Variants in ARHGAP5 observed in about 807,000 individuals in gnomAD.
The protein encoded by ARHGAP5 is Rho GTPase activating protein 5.
In ARHGAP5, 23 loss-of-function variants were observed where a neutral mutation model predicts 116.6. The ratio of observed to expected loss-of-function variants is 0.20; its 90% CI spans 0.14 to 0.28. The LOEUF (loss-of-function observed/expected upper bound fraction) is 0.28, where lower values mean the gene tolerates loss of function less well. Ranked by LOEUF, ARHGAP5 falls within the 10% of genes least tolerant of loss-of-function variation. The pLI is 1.00. For missense variants in ARHGAP5, 1,405 were observed against 1,774.8 expected (o/e 0.79, Z 3.74); for synonymous variants, 574 against 602.0 (o/e 0.95, Z 0.68).
intron 1 of ARHGAP5, among the ~76,000 whole-genome samples, chr14:32,087,242 G>C (rs945605833): frequency 1.3e-5 from 2 of 151,690 alleles, no homozygotes; most frequent in African/African-American, 2.4e-5. Context: ...GGCTAATAGA[G>C]GACAGTTTTG....
Position 32,156,756 on chromosome 14 carries a change from C to CTT in ARHGAP5, c.*1810_*1811dup, listed in dbSNP as rs1342796232. The CTT allele has an allele frequency of 6.6e-6, 1 of 152,194 alleles. No individual in the cohort carries two copies. Among genetic ancestry groups the CTT allele is most frequent in the African/African-American group, 2.4e-5 (1 of 41,394 alleles). 9.4% of individuals were successfully genotyped at this position (152,194 alleles called of 1,614,324 possible). On this transcript the variant is annotated 3_prime_UTR_variant, in exon 7 of 7. Coordinates refer to ENST00000345122, the MANE Select transcript of ARHGAP5 (RefSeq NM_001030055.2). ...GGCATGTCTGGCAAAGAAAATTAAACTTTAAGAGTTTTATAAACTGTTTCT... is the reference window on the plus strand; with the variant it reads ...GGCATGTCTGGCAAAGAAAATTAAACTTTTTAAGAGTTTTATAAACTGTTTCT...
chr14:32,095,416 G>GTT (rs569892479), intron 2 of ARHGAP5, among the ~76,000 whole-genome samples: 1,788 of 101,382 alleles, frequency 0.018, 33 homozygotes, highest in African/African-American at 0.059. Flanking sequence ...TTTTTTTTTT[G>GTT]TTTTTTTTTT....
rs1198499806 is a variant in ARHGAP5, at chr14:32,140,304, G to A, written c.3866-5959G>A. Among the ~76,000 whole-genome samples, 146 of 151,684 alleles carry A rather than the reference G, an allele frequency of 9.6e-4. 2 individuals carry two copies. The highest frequency in any genetic ancestry group is 4.2e-4 in the South Asian group (2 of 4,806). ...CTGTTGAAGAATGTGTTGTTTGGCC[G>A]AGCACAGTGGCCCACGCCTGTGATC... On this transcript the variant is annotated intron_variant, in intron 3 of 6. Transcript: ENST00000345122.
At chr14:32,095,810 A>G (rs1291773588) in intron 2 of ARHGAP5, among the ~76,000 whole-genome samples, 3 of 152,264 alleles carry the variant, frequency 2.0e-5, no homozygotes, top group Non-Finnish European at 2.9e-5. Flanking sequence ...ACCTGTTATC[A>G]CTAGTACCAT....
Position 32,154,968 on chromosome 14 carries a change from A to G in ARHGAP5, c.*20A>G. ...ATATGAGTAGGAAGTGATTGCAAAC[A>G]GGCTGGATTTGGACAAAAAGCAAAT... On this transcript the variant is annotated 3_prime_UTR_variant, in exon 7 of 7. Transcript: ENST00000345122. 6.3e-7 allele frequency: 1 copy of G among 1,596,808 alleles called. No individual in the cohort carries two copies.
chr14:32,090,512 C>T lies in ARHGAP5; in HGVS notation c.-158C>T, dbSNP rs1394388704. 3 of 600,940 alleles carry T rather than the reference C, an allele frequency of 5.0e-6. No homozygotes were observed. Among genetic ancestry groups the T allele is most frequent in the African/African-American group, 3.7e-5 (2 of 53,338 alleles). The allele number at this position is 600,940 out of a possible 1,614,324, so 37.2% of individuals were successfully genotyped here. A position where few individuals can be genotyped will look rare whatever the true frequency, so the allele number is the denominator to read the frequency against. On this transcript the variant is annotated 5_prime_UTR_variant, in exon 2 of 7. Coordinates refer to ENST00000345122, the MANE Select transcript of ARHGAP5 (RefSeq NM_001030055.2). ...CTCCCCTCTCTATAGGAAGATGATC[C>T]CTATGATCTTGAAGATGTTTCTGCA... is the stretch of plus-strand genomic sequence containing the variant.
intron 3 of ARHGAP5, among the ~76,000 whole-genome samples, chr14:32,131,951 A>G (rs953594913): frequency 6.6e-6 from 1 of 152,170 alleles, no homozygotes; most frequent in African/African-American, 2.4e-5. Context: ...TCCATGGTGT[A>G]TATGTGCCAC....
At chr14:32,086,864 A>G (rs982706975) in intron 1 of ARHGAP5, among the ~76,000 whole-genome samples, 1 of 150,762 alleles carries the variant, frequency 6.6e-6, no homozygotes, top group African/African-American at 2.5e-5. Flanking sequence ...TCTTAAAGGC[A>G]GAATGAGAGA....
chr14:32,102,770 T>C (rs1374032354), intron 2 of ARHGAP5, among the ~76,000 whole-genome samples: 1 of 152,196 alleles, frequency 6.6e-6, no homozygotes, highest in Non-Finnish European at 1.5e-5. Flanking sequence ...GGCCTTTGTT[T>C]TTGTAAAAGA....
intron 2 of ARHGAP5, among the ~76,000 whole-genome samples, chr14:32,108,165 G>A (rs1424817328): frequency 2.0e-5 from 3 of 152,026 alleles, no homozygotes; most frequent in African/African-American, 7.2e-5. Context: ...ATGGAAGTGG[G>A]TTGAAGAGTT....
rs750264020 is a variant in ARHGAP5, at chr14:32,152,461, G to C, written c.4114G>C (p.Glu1372Gln). 1.2e-6 allele frequency: 2 copies of C among 1,607,386 alleles called. No homozygotes were observed. The highest frequency in any genetic ancestry group is 1.7e-6 in the Non-Finnish European group (2 of 1,177,668). The change falls in exon 6 of 7, where the codon GAA becomes CAA. Residue 1372 changes from glutamate to glutamine, a missense_variant. Physicochemically the swap from Glu to Gln is conservative, Grantham distance 29. This residue lies in a region of ARHGAP5 where 176 missense variants were observed against 221.2 expected (regional missense o/e 0.80). Coordinates refer to ENST00000345122, the MANE Select transcript of ARHGAP5 (RefSeq NM_001030055.2). The part of the protein sequence containing the change: ...DKTERLHALK[E>Q]IVKKFHPVNY... ...AACAGAACGTCTTCATGCCTTGAAA[G>C]AAATTGTTAAGAAATTTCATCCTGT...
At chr14:32,110,175 C>T (rs984701778) in intron 2 of ARHGAP5, among the ~76,000 whole-genome samples, 2 of 150,960 alleles carry the variant, frequency 1.3e-5, no homozygotes, top group South Asian at 4.2e-4. Context: ...AAAATTCCTG[C>T]CCTTGTGTAG....
intron 3 of ARHGAP5, among the ~76,000 whole-genome samples, chr14:32,133,987 C>T (rs944101810): frequency 4.6e-5 from 7 of 152,134 alleles, no homozygotes; most frequent in African/African-American, 1.7e-4. Flanking sequence ...CCAGCTTCAT[C>T]CCGATACCAA....
chr14:32,117,953 A>G (rs1879688434), intron 3 of ARHGAP5, among the ~76,000 whole-genome samples: 2 of 152,210 alleles, frequency 1.3e-5, no homozygotes, highest in African/African-American at 4.8e-5. Context: ...AACACGAGTT[A>G]ACCATGAAAC....
chr14:32,149,807 C>G (rs1881558922), intron 4 of ARHGAP5, 95 bp from the exon 5 acceptor site: 1 of 701,868 alleles, frequency 1.4e-6, no homozygotes, highest in African/African-American at 1.9e-5. Context: ...TGGCCCAAGA[C>G]TTAAAGTTAT....
intron 3 of ARHGAP5, 135 bp downstream of exon 3, chr14:32,117,422 A>AGAT: frequency 1.3e-6 from 1 of 761,010 alleles, no homozygotes; most frequent in Non-Finnish European, 1.9e-6. Flanking sequence ...CCATCTGATC[A>AGAT]GGTAACCATC....
intron 3 of ARHGAP5, among the ~76,000 whole-genome samples, chr14:32,136,894 G>A (rs988718067): frequency 1.6e-4 from 25 of 151,820 alleles, no homozygotes; most frequent in Non-Finnish European, 2.5e-4. Flanking sequence ...ACCTTCTTTG[G>A]AGAAATTTTT....
chr14:32,103,731 T>C (rs1032099149), intron 2 of ARHGAP5, among the ~76,000 whole-genome samples: 2 of 152,184 alleles, frequency 1.3e-5, no homozygotes, highest in Admixed American at 6.5e-5. Context: ...TTATGATTTC[T>C]TGCTCTGTAA....
intron 4 of ARHGAP5, among the ~76,000 whole-genome samples, chr14:32,148,446 A>G (rs918206739): frequency 6.6e-6 from 1 of 152,168 alleles, no homozygotes; most frequent in Non-Finnish European, 1.5e-5. Context: ...GAGAGTAACT[A>G]TAAGGATGAT....
Sources: allele counts gnomAD v4.1 joint callset (sites outside exome capture counted in the v4.1 genomes callset), GRCh38; gene constraint gnomAD v4.1.1; regional missense constraint gnomAD v4.1.1; transcripts MANE v1.5; gene names NCBI Gene and HGNC (gene_info 2026-07-23, HGNC 2026-07-21).